Variants in TUBB6 observed in about 807,000 individuals in gnomAD.
TUBB6 encodes the protein tubulin beta 6 class V, also known as tubulin beta-6 chain.
A neutral mutation model predicts 32.3 loss-of-function variants in TUBB6; 18 were observed. That is an observed-to-expected ratio of 0.56 (90% CI 0.39 to 0.83). The LOEUF is 0.83. Among genes scored for constraint, TUBB6 ranks in the 40% least tolerant of loss-of-function variants. The pLI is 0.00. For synonymous variants in TUBB6, 280 were observed against 265.8 expected, an observed-to-expected ratio of 1.05 and a Z score of -0.52; for missense variants, 480 against 632.0, an observed-to-expected ratio of 0.76 and a Z score of 2.58.
downstream of TUBB6, chr18:12,329,719 G>A (rs764873565): frequency 1.2e-6 from 2 of 1,614,086 alleles, no homozygotes; most frequent in Non-Finnish European, 8.5e-7. Context: ...AAATGGTCTG[G>A]GGCCCAAAAG....
chr18:12,324,937 G>C (rs147539795), intron 3 of TUBB6, 130 bp from the exon 4 acceptor site: 6 of 1,497,024 alleles, frequency 4.0e-6, no homozygotes, highest in East Asian at 4.6e-5. Context: ...GTGGGTGCCT[G>C]TTTCCCCGGC....
chr18:12,324,135 C>T (rs1251691123), intron 3 of TUBB6, among the ~76,000 whole-genome samples: 1 of 152,060 alleles, frequency 6.6e-6, no homozygotes, highest in African/African-American at 2.4e-5. Flanking sequence ...TTTGGGAGGC[C>T]GAGGCGGGCG....
At chr18:12,316,185 C>A (rs573168810) in intron 3 of TUBB6, among the ~76,000 whole-genome samples, 1 of 152,324 alleles carries the variant, frequency 6.6e-6, no homozygotes, top group African/African-American at 2.4e-5. Context: ...ATGAACTGAT[C>A]TTTATGACAT....
rs182871763 is a variant in TUBB6, at chr18:12,319,597, G to T, written c.278-5470G>T. On this transcript the variant is annotated intron_variant, in intron 3 of 3. Coordinates refer to ENST00000317702, the MANE Select transcript of TUBB6 (RefSeq NM_032525.3). ...AGACATCCTCCGTGACAGTCACAGTGCCTACCATTGTATATGTCATCATTT... is the reference window on the plus strand; with the variant it reads ...AGACATCCTCCGTGACAGTCACAGTTCCTACCATTGTATATGTCATCATTT... 5.6e-3 allele frequency among the ~76,000 whole-genome samples: 855 copies of T among 152,138 alleles called. 7 individuals carry two copies. The highest frequency in any genetic ancestry group is 0.01 in the Middle Eastern group (3 of 294).
intron 3 of TUBB6, among the ~76,000 whole-genome samples, chr18:12,317,214 C>T (rs986867457): frequency 1.3e-5 from 2 of 150,990 alleles, no homozygotes; most frequent in South Asian, 2.1e-4. Flanking sequence ...GTAATCCCAA[C>T]ACTTTGGGAG....
At chr18:12,309,177 A>ACCCCCCGCCCC (rs1906205019) in intron 2 of TUBB6, among the ~76,000 whole-genome samples, 2 of 139,616 alleles carry the variant, frequency 1.4e-5, no homozygotes, top group African/African-American at 2.6e-5. Flanking sequence ...ATAGGAGACC[A>ACCCCCCGCCCC]CCCCCCGCCC....
intron 3 of TUBB6, among the ~76,000 whole-genome samples, chr18:12,324,262 C>G (rs1395852509): frequency 6.6e-6 from 1 of 150,880 alleles, no homozygotes; most frequent in Non-Finnish European, 1.5e-5. Context: ...CCCGGCTACA[C>G]GGGAGGCTGA....
downstream of TUBB6, among the ~76,000 whole-genome samples, chr18:12,326,924 G>A (rs888053454): frequency 4.6e-5 from 7 of 152,122 alleles, no homozygotes; most frequent in Non-Finnish European, 8.8e-5. Context: ...GTGGGAGCTG[G>A]GGTGCCAACA....
At chr18:12,308,512 G>A in intron 1 of TUBB6, 163 bp downstream of exon 1, 1 of 686,144 alleles carries the variant, frequency 1.5e-6, no homozygotes, top group Non-Finnish European at 2.3e-6. Context: ...CCCGGGGCGT[G>A]GCCGGCCGGG....
chr18:12,329,741 C>A (rs2143074393), downstream of TUBB6: 4 of 1,614,220 alleles, frequency 2.5e-6, no homozygotes, highest in Non-Finnish European at 3.4e-6. Context: ...TCAACCATAT[C>A]ATTCTTATCT....
downstream of TUBB6, chr18:12,329,314 T>C (rs1907436679): frequency 1.5e-6 from 1 of 679,564 alleles, no homozygotes; most frequent in Non-Finnish European, 2.7e-6. Flanking sequence ...GCTCAACCTT[T>C]CCAGCACGTC....
chr18:12,326,272 T>A lies in TUBB6; in HGVS notation c.*142T>A. On this transcript the variant is annotated 3_prime_UTR_variant, in exon 4 of 4. Transcript: ENST00000317702. ...CCCTCACAAATGCAGCCAAGTCATG[T>A]AATTAGTCATCTGGAACAAAGACTA... The A allele has an allele frequency of 8.0e-7, 1 of 1,254,202 alleles. No individual in the cohort carries two copies. The highest frequency in any genetic ancestry group is 1.1e-6 in the Non-Finnish European group (1 of 933,174). The allele number at this position is 1,254,202 out of a possible 1,614,324, so 77.7% of individuals were successfully genotyped here. A position where few individuals can be genotyped will look rare whatever the true frequency, so the allele number is the denominator to read the frequency against.
chr18:12,308,933 TC>T (rs984740932), intron 2 of TUBB6, 138 bp downstream of exon 2: 4 of 638,954 alleles, frequency 6.3e-6, no homozygotes, highest in Middle Eastern at 5.7e-4. Flanking sequence ...CCTTCGCTCC[TC>T]CGGGGCGGGA....
At chr18:12,308,825 G>A (rs893741545) in intron 2 of TUBB6, 30 bp downstream of exon 2, 5 of 1,445,450 alleles carry the variant, frequency 3.5e-6, no homozygotes, top group Non-Finnish European at 3.9e-6. Flanking sequence ...CGCCCTGCCC[G>A]GCCGGGACCC....
chr18:12,328,865 T>A (rs1907419010), downstream of TUBB6: 1 of 356,092 alleles, frequency 2.8e-6, no homozygotes, highest in Admixed American at 4.1e-5. Flanking sequence ...TGAAGGATTC[T>A]CCTCTAAAAA....
chr18:12,320,160 G>A (rs1306875426), intron 3 of TUBB6, among the ~76,000 whole-genome samples: 1 of 151,998 alleles, frequency 6.6e-6, no homozygotes, highest in East Asian at 1.9e-4. Context: ...CCCAGGAGTT[G>A]GAGGCTGCAG....
chr18:12,325,750 A>G lies in TUBB6; in HGVS notation c.961A>G (p.Met321Val). ...LTVATVFRGPMSMKEVDEQML... is the reference protein window; with the variant it reads ...LTVATVFRGPVSMKEVDEQML... ...CGTGGCCACCGTGTTCCGCGGGCCC[A>G]TGTCCATGAAGGAGGTGGACGAGCA... The change falls in exon 4 of 4, where the codon ATG becomes GTG. Residue 321 changes from methionine to valine, a missense_variant. Coordinates refer to ENST00000317702, the MANE Select transcript of TUBB6 (RefSeq NM_032525.3). The G allele has an allele frequency of 3.1e-6, 5 of 1,614,250 alleles. No homozygotes were observed. Among genetic ancestry groups the G allele is most frequent in the East Asian group, 2.2e-5 (1 of 44,886 alleles).
chr18:12,318,317 C>T (rs1906782712), intron 3 of TUBB6, among the ~76,000 whole-genome samples: 1 of 151,040 alleles, frequency 6.6e-6, no homozygotes, highest in Non-Finnish European at 1.5e-5. Flanking sequence ...TGACCATTTT[C>T]TCGCCTACTA....
chr18:12,329,798 A>G (rs372545660), downstream of TUBB6: 3 of 1,592,282 alleles, frequency 1.9e-6, no homozygotes, highest in African/African-American at 4.0e-5. Context: ...AATATGAACA[A>G]TTTTCATTAA....
Sources: allele counts gnomAD v4.1 joint callset (sites outside exome capture counted in the v4.1 genomes callset), GRCh38; gene constraint gnomAD v4.1.1; transcripts MANE v1.5; gene names NCBI Gene and HGNC (gene_info 2026-07-23, HGNC 2026-07-21).